MGAT5: variants seen among roughly 807,000 people sequenced by gnomAD.
MGAT5 encodes alpha-1,6-mannosylglycoprotein 6-beta-N-acetylglucosaminyltransferase A.
A neutral mutation model predicts 94.3 loss-of-function variants in MGAT5; 30 were observed. That is an observed-to-expected ratio of 0.32 (90% CI 0.24 to 0.43). The LOEUF is 0.43. Among genes scored for constraint, MGAT5 ranks in the 20% least tolerant of loss-of-function variants. The pLI is 1.00. For missense variants in MGAT5, 691 were observed against 905.5 expected (o/e 0.76, Z 3.04); for synonymous variants, 310 against 322.9 (o/e 0.96, Z 0.43).
At chr2:134,430,955 A>G (rs1430210111) in intron 14 of MGAT5, among the ~76,000 whole-genome samples, 10 of 152,160 alleles carry the variant, frequency 6.6e-5, no homozygotes, top group Non-Finnish European at 1.3e-4. Flanking sequence ...TGGGGATCAC[A>G]TGGCCCAGCC....
At position 134,189,602 on chromosome 2, in the gene MGAT5, G is replaced by GTT. The variant is rs912983981; in HGVS notation, c.-142-64643_-142-64642dup. Among the ~76,000 whole-genome samples the GTT allele has an allele frequency of 2.4e-3, 204 of 84,506 alleles. 13 individuals carry two copies. Among genetic ancestry groups the GTT allele is most frequent in the Middle Eastern group, 8.3e-3 (1 of 120 alleles). The allele number at this position is 84,506 out of a possible 152,430, so 55.4% of individuals were successfully genotyped here. A position where few individuals can be genotyped will look rare whatever the true frequency, so the allele number is the denominator to read the frequency against. On this transcript the variant is annotated intron_variant, in intron 1 of 16. Transcript: ENST00000409645. ...AACCTCATGGCTCTAGTTTTTTTTTGTTTTTTTTTTTTTTTTTTAAGACAG... is the reference window on the plus strand; with the variant it reads ...AACCTCATGGCTCTAGTTTTTTTTTGTTTTTTTTTTTTTTTTTTTTAAGACAG...
intron 1 of MGAT5, among the ~76,000 whole-genome samples, chr2:134,182,809 CAG>C (rs1688809450): frequency 9.9e-6 from 1 of 101,224 alleles, no homozygotes; most frequent in African/African-American, 3.9e-5. Context: ...TTTTTTGAGA[CAG>C]AGTCTCCCTT....
Position 134,441,873 on chromosome 2 carries a change from C to T in MGAT5, c.1985C>T (p.Pro662Leu). The part of the protein sequence containing the change: ...VCQESQLICE[P>L]SFFQHLNKDK... The stretch of plus-strand genomic sequence containing the variant: ...CAGGAGAGCCAGCTCATCTGCGAGC[C>T]TTCTTTCTTCCAGCACCTCAACAAG... The change falls in exon 15 of 16, where the codon CCT becomes CTT. Residue 662 changes from proline to leucine, a missense_variant. Physicochemically the swap from Pro to Leu is moderately conservative, Grantham distance 98. Transcript: ENST00000281923. The T allele has an allele frequency of 6.2e-7, 1 of 1,613,956 alleles. No individual in the cohort carries two copies. The highest frequency in any genetic ancestry group is 8.5e-7 in the Non-Finnish European group (1 of 1,179,986).
chr2:134,394,025 G>A (rs958168), intron 10 of MGAT5, among the ~76,000 whole-genome samples: 25,677 of 152,106 alleles, frequency 0.17, 2,337 homozygotes, highest in Middle Eastern at 0.27. Flanking sequence ...GTAAAGGTGT[G>A]TACCATCCCA....
chr2:134,255,526 C>T (rs1200139329), intron 1 of MGAT5, among the ~76,000 whole-genome samples: 1 of 150,076 alleles, frequency 6.7e-6, no homozygotes, highest in African/African-American at 2.4e-5. Context: ...TATACACACA[C>T]ATATATATAT....
chr2:134,385,853 A>AAGGAAGAT (rs1177028429), intron 10 of MGAT5, among the ~76,000 whole-genome samples: 1 of 152,200 alleles, frequency 6.6e-6, no homozygotes, highest in African/African-American at 2.4e-5. Context: ...TGCTTATTGA[A>AAGGAAGAT]AGGAAGATCG....
At chr2:134,336,480 A>C (rs778610484) in intron 5 of MGAT5, among the ~76,000 whole-genome samples, 192 bp downstream of exon 5, 6 of 152,084 alleles carry the variant, frequency 3.9e-5, no homozygotes, top group Non-Finnish European at 8.8e-5. Context: ...TTACTGAGCA[A>C]TTCTCTGAGG....
intron 10 of MGAT5, among the ~76,000 whole-genome samples, chr2:134,365,485 A>T (rs1680367677): frequency 6.6e-6 from 1 of 152,218 alleles, no homozygotes; most frequent in Admixed American, 6.5e-5. Flanking sequence ...AAATCAAAAA[A>T]ATGCGTCTGT....
chr2:134,444,804 C>T (rs1332467053), intron 15 of MGAT5, among the ~76,000 whole-genome samples: 1 of 152,200 alleles, frequency 6.6e-6, no homozygotes, highest in East Asian at 1.9e-4. Flanking sequence ...CAGGGCCATT[C>T]AGGAAACCAG....
rs10637591 is a variant in MGAT5, at chr2:134,381,330, C to CATAGATAGATAGATAGATAGATAGATAG, written c.1380+18934_1380+18961dup. Among the ~76,000 whole-genome samples the CATAGATAGATAGATAGATAGATAGATAG allele has an allele frequency of 5.7e-4, 39 of 67,864 alleles. 2 individuals are homozygous for CATAGATAGATAGATAGATAGATAGATAG. Among genetic ancestry groups the CATAGATAGATAGATAGATAGATAGATAG allele is most frequent in the East Asian group, 3.0e-3 (7 of 2,330 alleles). The allele number at this position is 67,864 out of a possible 152,430, so 44.5% of individuals were successfully genotyped here. ...CTGGGCAGCATAGCAAGACCTGTCT[C>CATAGATAGATAGATAGATAGATAGATAG]ATAGATAGATAGATAGATAGATAGA... On this transcript the variant is annotated intron_variant, in intron 10 of 15. Transcript: ENST00000281923.
intron 1 of MGAT5, among the ~76,000 whole-genome samples, chr2:134,215,064 TTA>T (rs1680406599): frequency 6.6e-6 from 1 of 152,226 alleles, no homozygotes; most frequent in Non-Finnish European, 1.5e-5. Context: ...TTGCTCAGTA[TTA>T]TGTTTGTGAA....
intron 11 of MGAT5, among the ~76,000 whole-genome samples, chr2:134,409,548 G>T (rs1422041337): frequency 1.3e-5 from 2 of 152,320 alleles, no homozygotes; most frequent in South Asian, 2.1e-4. Context: ...TGAACCGGGG[G>T]TGATTCATTG....
chr2:134,318,736 T>C lies in MGAT5; in HGVS notation c.570T>C (p.Ser190=), dbSNP rs765993230. 1 of 1,610,180 alleles carries C rather than the reference T, an allele frequency of 6.2e-7. No homozygotes were observed. The highest frequency in any genetic ancestry group is 1.7e-5 in the Admixed American group (1 of 59,996). Residue 190 remains serine, a synonymous_variant, in exon 4 of 16, where the codon AGT becomes AGC. Coordinates refer to ENST00000281923, the MANE Select transcript of MGAT5 (RefSeq NM_002410.5). ...CCTGCTCTTTTTTTATTTACCTCAG[T>C]GAGGTGAGTAGCTTTCTGTGGCTCC... ...GSTCSFFIYL[S]EVENWCPHLP...
intron 1 of MGAT5, among the ~76,000 whole-genome samples, chr2:134,190,666 TCAGA>T (rs1558978809): frequency 6.6e-6 from 1 of 152,194 alleles, no homozygotes; most frequent in East Asian, 1.9e-4. Flanking sequence ...TTTGTTTTTT[TCAGA>T]CAGTCTCTCT....
intron 1 of MGAT5, among the ~76,000 whole-genome samples, chr2:134,215,440 C>T (rs997333118): frequency 5.3e-5 from 8 of 152,094 alleles, no homozygotes; most frequent in African/African-American, 1.2e-4. Flanking sequence ...CAGCTTTTGG[C>T]GAGGGCCTCA....
intron 10 of MGAT5, among the ~76,000 whole-genome samples, chr2:134,368,961 C>G (rs549546870): frequency 1.2e-4 from 18 of 152,332 alleles, no homozygotes; most frequent in African/African-American, 4.3e-4. Flanking sequence ...TCACCCCTCC[C>G]CCTCCCTAGC....
intron 1 of MGAT5, among the ~76,000 whole-genome samples, chr2:134,151,273 C>G (rs914668900): frequency 6.7e-6 from 1 of 148,628 alleles, no homozygotes; most frequent in Non-Finnish European, 1.5e-5. Context: ...TGGGACCTCA[C>G]TCACTCATGC....
In MGAT5 at chr2:134,345,263, A is replaced by G. The variant is rs1490618518; in HGVS notation, c.1112+199A>G. Among the ~76,000 whole-genome samples, 3 of 152,200 alleles carry G rather than the reference A, an allele frequency of 2.0e-5. No homozygotes were observed. The East Asian group carries it at 5.8e-4, about 29-fold the overall frequency. On this transcript the variant is annotated intron_variant, in intron 8 of 15. Coordinates refer to ENST00000281923, the MANE Select transcript of MGAT5 (RefSeq NM_002410.5). The stretch of plus-strand genomic sequence containing the variant: ...GTTATTTTCATTGGTTTCTTAGAAA[A>G]CAAGTGTCAACCTCCTTTCTACCTT...
chr2:134,196,088 C>G (rs1009630431), intron 1 of MGAT5, among the ~76,000 whole-genome samples: 1 of 152,182 alleles, frequency 6.6e-6, no homozygotes, highest in African/African-American at 2.4e-5. Flanking sequence ...GGAGGCTCCT[C>G]TGTAGCACTC....
Sources: allele counts gnomAD v4.1 joint callset (sites outside exome capture counted in the v4.1 genomes callset), GRCh38; gene constraint gnomAD v4.1.1; transcripts MANE v1.5; gene names NCBI Gene and HGNC (gene_info 2026-07-23, HGNC 2026-07-21).